HPS1: variants seen among roughly 807,000 people sequenced by gnomAD.
The protein encoded by HPS1 is BLOC-3 complex member HPS1.
HPS1 carries 59 observed loss-of-function variants against 90.6 expected under a neutral mutation model. The observed-to-expected ratio is 0.65, with a 90% confidence interval of 0.53 to 0.81. The LOEUF is 0.81. Among genes scored for constraint, HPS1 ranks in the 30% least tolerant of loss-of-function variants. HPS1 has a pLI of 0.00. For synonymous variants in HPS1, 388 were observed against 384.4 expected, an observed-to-expected ratio of 1.01 and a Z score of -0.11; for missense variants, 849 against 896.7, an observed-to-expected ratio of 0.95 and a Z score of 0.68.
downstream of HPS1, among the ~76,000 whole-genome samples, chr10:98,415,455 T>G (rs561571556): frequency 3.4e-4 from 52 of 152,342 alleles, no homozygotes; most frequent in African/African-American, 1.3e-3. Context: ...ACTCCCCATT[T>G]TACAGATGAG....
At position 98,418,763 on chromosome 10, in the gene HPS1, C is replaced by T. The variant is rs546217352; in HGVS notation, c.1858-506G>A. On this transcript the variant is annotated intron_variant, in intron 18 of 19. Coordinates refer to ENST00000361490, the MANE Select transcript of HPS1 (RefSeq NM_000195.5). ...TGGACTCCCTAGTGTGCAGGGCTGC[C>T]CCCACGGCACCGGCTGGGCTGTGTG... 7.2e-5 allele frequency among the ~76,000 whole-genome samples: 11 copies of T among 152,330 alleles called. No individual in the cohort carries two copies. The East Asian group carries it at 1.9e-3, about 27-fold the overall frequency.
At chr10:98,433,804 A>G (rs1465336036) in intron 6 of HPS1, 179 bp downstream of exon 6, 6 of 787,376 alleles carry the variant, frequency 7.6e-6, no homozygotes, top group Non-Finnish European at 1.0e-5. Context: ...TTACCATGGG[A>G]AAGCCCATCA....
At chr10:98,432,123 G>C (rs1846560971) in intron 6 of HPS1, among the ~76,000 whole-genome samples, 1 of 152,214 alleles carries the variant, frequency 6.6e-6, no homozygotes, top group Non-Finnish European at 1.5e-5. Context: ...AGTAAGCGTG[G>C]ACAAGAGAGG....
In HPS1 at chr10:98,435,845, G is replaced by A; in HGVS notation, c.118-73C>T. ...AAGAACTAAGGAAGGGACAAGATCA[G>A]GCCTTGATATCAAGGGTTCCATAGT... On this transcript the variant is annotated intron_variant, in intron 3 of 19. Coordinates refer to ENST00000361490, the MANE Select transcript of HPS1 (RefSeq NM_000195.5). The surrounding 1 kb of genome is among the most constrained non-coding windows in gnomAD (Gnocchi z 4.3). The A allele has an allele frequency of 6.3e-7, 1 of 1,593,082 alleles. No individual in the cohort carries two copies. Among genetic ancestry groups the A allele is most frequent in the African/African-American group, 1.3e-5 (1 of 74,524 alleles).
rs1365816952 is a variant in HPS1, at chr10:98,429,361, T to C, written c.937+212A>G. On this transcript the variant is annotated intron_variant, in intron 10 of 19. Transcript: ENST00000361490. ...AACTTGTCATCAACAGCTTTAGGGA[T>C]CAGTGGAGTGGTCTTAACAATCCTT... is the stretch of plus-strand genomic sequence containing the variant. 2.0e-6 allele frequency: 3 copies of C among 1,499,912 alleles called. No homozygotes were observed. In the African/African-American group the frequency reaches 4.2e-5, roughly 21 times the overall value. The allele number at this position is 1,499,912 out of a possible 1,614,324, so 92.9% of individuals were successfully genotyped here. A position where few individuals can be genotyped will look rare whatever the true frequency, so the allele number is the denominator to read the frequency against.
intron 19 of HPS1, 143 bp downstream of exon 19, chr10:98,418,032 G>A (rs1374695882): frequency 1.5e-6 from 1 of 682,322 alleles, no homozygotes; most frequent in Non-Finnish European, 2.6e-6. Context: ...GCTGCACACA[G>A]GGCCAGCCGG....
At chr10:98,430,005 C>T (rs1016769551) in intron 8 of HPS1, 116 bp from the exon 9 acceptor site, 27 of 862,580 alleles carry the variant, frequency 3.1e-5, no homozygotes, top group Non-Finnish European at 4.6e-5. Context: ...CCACCCGTTC[C>T]GGGTGCAGTC....
In HPS1 at chr10:98,430,643, G is replaced by T; in HGVS notation, c.696C>A (p.Ala232=). Residue 232 remains alanine (A), a synonymous_variant, in exon 8 of 20, where the codon GCC becomes GCA. Transcript: ENST00000361490. ...CCAGGAGGATGAGGGCAAGCAGGTCGGCCGGGCGCAGGGAGCTGGCACTGT... is the reference window on the plus strand; with the variant it reads ...CCAGGAGGATGAGGGCAAGCAGGTCTGCCGGGCGCAGGGAGCTGGCACTGT... The part of the protein sequence containing the change: ...SSHSASSLRP[A]DLLALILLVQ... The T allele has an allele frequency of 2.6e-6, 4 of 1,555,110 alleles. No homozygotes were observed. The highest frequency in any genetic ancestry group is 1.4e-5 in the African/African-American group (1 of 73,432).
In HPS1 at chr10:98,418,219, G is replaced by A. The variant is rs760508807; in HGVS notation, c.1896C>T (p.Ser632=). 22 of 1,610,720 alleles carry A rather than the reference G, an allele frequency of 1.4e-5. No homozygotes were observed. The highest frequency in any genetic ancestry group is 6.7e-5 in the East Asian group (3 of 44,804). The change falls in exon 19 of 20, where the codon TCC becomes TCT. Residue 632 remains serine, a synonymous_variant. Transcript: ENST00000361490. The part of the protein sequence containing the change: ...KLQMIEVPVL[S]DDSVPIGMLG... ...GCATGCCGATAGGCACTGAGTCGTC[G>A]GAGAGGACGGGCACCTCGATCATCT...
At chr10:98,427,411 C>A (rs1591064363) in intron 10 of HPS1, 147 bp from the exon 11 acceptor site, 1 of 678,028 alleles carries the variant, frequency 1.5e-6, no homozygotes. Context: ...GTGGCTGGGG[C>A]AACACCCCTT....
At position 98,423,284 on chromosome 10, in the gene HPS1, C is replaced by CCCT. The variant is rs1554887493; in HGVS notation, c.1598+318_1598+319insAGG. ...AACCAAACTAGACCACAGGAACCCC[C>CCCT]CCCCCGGTCCCCACCCCTCGTGGAA... On this transcript the variant is annotated intron_variant, in intron 16 of 19. Transcript: ENST00000361490. Among the ~76,000 whole-genome samples, 245 of 147,572 alleles carry CCCT rather than the reference C, an allele frequency of 1.7e-3. 3 individuals carry two copies. Among genetic ancestry groups the CCCT allele is most frequent in the African/African-American group, 5.9e-3 (231 of 39,370 alleles).
chr10:98,426,926 T>TAA lies in HPS1; in HGVS notation c.987+287_987+288dup, dbSNP rs138043631. ...TCTACAATAAATATACATGCTCACT[T>TAA]AAAAAAAAAATTCTATTGGACTTTC... On this transcript the variant is annotated intron_variant, in intron 11 of 19. Transcript: ENST00000361490. 0.044 allele frequency among the ~76,000 whole-genome samples: 6,605 copies of TAA among 150,602 alleles called. 345 individuals carry two copies. The highest frequency in any genetic ancestry group is 0.12 in the African/African-American group (4,888 of 41,028).
At chr10:98,418,974 C>G (rs1423821261) in intron 18 of HPS1, among the ~76,000 whole-genome samples, 1 of 152,232 alleles carries the variant, frequency 6.6e-6, no homozygotes, top group Non-Finnish European at 1.5e-5. Flanking sequence ...AAGCTGGGAG[C>G]CTGCAGGCCG....
Position 98,435,226 on chromosome 10 carries a change from G to T in HPS1, c.398+46C>A. 1 of 1,612,552 alleles carries T rather than the reference G, an allele frequency of 6.2e-7. No homozygotes were observed. Among genetic ancestry groups the T allele is most frequent in the South Asian group, 1.1e-5 (1 of 90,994 alleles). On this transcript the variant is annotated intron_variant, in intron 5 of 19. Transcript: ENST00000361490. This position sits in a 1 kb window ranked among gnomAD's most constrained non-coding sequence, Gnocchi z 4.3. The stretch of plus-strand genomic sequence containing the variant: ...CTGGGCACACGCTGCCTGGCCCAGC[G>T]AGGGTGCTCGGCAAAGGACAGAGGG...
chr10:98,420,321 A>T lies in HPS1; in HGVS notation c.1744-163T>A, dbSNP rs1844690608. On this transcript the variant is annotated intron_variant, in intron 17 of 19. Transcript: ENST00000361490. ...TTGGCTCAGAGCAGGAGGCTCAACA[A>T]TAAATCATTATTGGATGGATGGACT... is the stretch of plus-strand genomic sequence containing the variant. 6 of 662,630 alleles carry T rather than the reference A, an allele frequency of 9.1e-6. No homozygotes were observed. In the South Asian group the frequency reaches 9.4e-5, roughly 10 times the overall value. The allele number at this position is 662,630 out of a possible 1,614,324, so 41.0% of individuals were successfully genotyped here.
At chr10:98,433,680 A>G (rs1846853938) in intron 6 of HPS1, among the ~76,000 whole-genome samples, 1 of 152,084 alleles carries the variant, frequency 6.6e-6, no homozygotes, top group African/African-American at 2.4e-5. Flanking sequence ...AGCTCAATAT[A>G]ATTTTGTGGG....
chr10:98,435,737 T>C lies in HPS1; in HGVS notation c.153A>G (p.Leu51=). Residue 51 remains leucine (L), a synonymous_variant, in exon 4 of 20, where the codon CTA becomes CTG. Coordinates refer to ENST00000361490, the MANE Select transcript of HPS1 (RefSeq NM_000195.5). This position sits in a 1 kb window ranked among gnomAD's most constrained non-coding sequence, Gnocchi z 4.3. ...PALEDQLSTL[L]APVIISSMTM... is the part of the protein sequence containing the mutation. ...TCATGGAGGAGATGATGACCGGGGC[T>C]AGGAGGGTGCTGAGCTGGTCCTCCA... The C allele has an allele frequency of 6.2e-7, 1 of 1,614,164 alleles. No individual in the cohort carries two copies. Among genetic ancestry groups the C allele is most frequent in the Non-Finnish European group, 8.5e-7 (1 of 1,180,018 alleles).
chr10:98,431,036 C>A lies in HPS1; in HGVS notation c.668+95G>T, dbSNP rs545384166. The stretch of plus-strand genomic sequence containing the variant: ...TTCAGGCTTCATGGAGGAGGTGATT[C>A]TTGGCTGGGCAGGTGGTGCTTTTCA... On this transcript the variant is annotated intron_variant, in intron 7 of 19. Transcript: ENST00000361490. The A allele has an allele frequency of 2.2e-6, 3 of 1,335,144 alleles. No homozygotes were observed. The South Asian group carries it at 3.8e-5, about 17-fold the overall frequency. The allele number at this position is 1,335,144 out of a possible 1,614,324, so 82.7% of individuals were successfully genotyped here. A position where few individuals can be genotyped will look rare whatever the true frequency, so the allele number is the denominator to read the frequency against.
At chr10:98,437,866 C>T (rs1444031608) in intron 3 of HPS1, among the ~76,000 whole-genome samples, 2 of 152,190 alleles carry the variant, frequency 1.3e-5, no homozygotes, top group Non-Finnish European at 2.9e-5. Flanking sequence ...ATAATCCCCA[C>T]GTGTCAAGGG....
Sources: gnomAD v4.1 joint callset for allele counts (sites outside exome capture counted in the v4.1 genomes callset) on GRCh38, gnomAD v4.1.1 for gene constraint, Gnocchi (gnomAD v3.1) non-coding constraint, MANE v1.5 for transcripts, NCBI Gene and HGNC (gene_info 2026-07-23, HGNC 2026-07-21) for gene names.